NUP214: variants seen among roughly 807,000 people sequenced by gnomAD.
NUP214 encodes nuclear pore complex protein Nup214.
In NUP214, 79 loss-of-function variants were observed where a neutral mutation model predicts 196.2. The observed-to-expected ratio is 0.40, with a 90% CI of 0.34 to 0.49. The LOEUF is 0.49. Ranked by LOEUF, NUP214 falls within the 20% of genes least tolerant of loss-of-function variation. NUP214 has a pLI of 0.58. For missense variants in NUP214, 2,468 were observed against 2,539.0 expected, an observed-to-expected ratio of 0.97 and a Z score of 0.60; for synonymous variants, 1,020 against 990.5, an observed-to-expected ratio of 1.03 and a Z score of -0.56.
chr9:131,198,502 G>C lies in NUP214; in HGVS notation c.5008G>C (p.Ala1670Pro), dbSNP rs748287154. The change falls in exon 29 of 36, where the codon GCC (alanine) becomes CCC (proline). Residue 1670 changes from alanine to proline, a missense_variant. This residue lies in a region of NUP214 where 1,801 missense variants were observed against 1,779.4 expected (regional missense o/e 1.01). Coordinates refer to ENST00000359428, the MANE Select transcript of NUP214 (RefSeq NM_005085.4). ...LTNNTATAPS[A>P]TPVFGQVAAS... ...CAACAACACAGCCACTGCCCCCTCT[G>C]CCACGCCCGTGTTTGGGCAAGTGGC... The C allele has an allele frequency of 1.2e-6, 2 of 1,614,194 alleles. No homozygotes were observed. Among genetic ancestry groups the C allele is most frequent in the East Asian group, 2.2e-5 (1 of 44,888 alleles).
intron 22 of NUP214, among the ~76,000 whole-genome samples, chr9:131,174,640 G>C (rs1354325473): frequency 1.3e-5 from 2 of 151,682 alleles, no homozygotes; most frequent in African/African-American, 4.8e-5. Flanking sequence ...GTGGAGACGG[G>C]GTTTCACCAT....
rs748825977 is a variant in NUP214 at position 131,150,717 on chromosome 9, A to G, written c.2229A>G (p.Glu743=). 10 of 1,614,188 alleles carry G rather than the reference A, an allele frequency of 6.2e-6. No homozygotes were observed. The highest frequency in any genetic ancestry group is 4.4e-5 in the South Asian group (4 of 91,070). Residue 743 remains glutamate, a synonymous_variant, in exon 16 of 36, where the codon GAA becomes GAG. Coordinates refer to ENST00000359428, the MANE Select transcript of NUP214 (RefSeq NM_005085.4). ...AGGAGATGAAGATGCTGCGAACAGA[A>G]TCAGATGACTTGCATACCTTTCTTT... ...TSEEMKMLRT[E]SDDLHTFLLE...
rs1834908455 is a variant in NUP214 at position 131,232,514 on chromosome 9, C to T, written c.6239+206C>T. 1.6e-6 allele frequency: 1 copy of T among 632,750 alleles called. No individual in the cohort carries two copies. Among genetic ancestry groups the T allele is most frequent in the Admixed American group, 2.5e-5 (1 of 40,760 alleles). 39.2% of individuals were successfully genotyped at this position (632,750 alleles called of 1,614,324 possible). The stretch of plus-strand genomic sequence containing the variant: ...CAATATGGCAGGAGGTGCCAGGCCT[C>T]GCCTTCTTAAGAGGCGTGGTTCAAA... On this transcript the variant is annotated intron_variant, in intron 35 of 35. Coordinates refer to ENST00000359428, the MANE Select transcript of NUP214 (RefSeq NM_005085.4). The surrounding 1 kb of genome is among the most constrained non-coding windows in gnomAD (Gnocchi z 5.1).
In NUP214 at chr9:131,128,500, C is replaced by T. The variant is rs1349912834; in HGVS notation, c.393+17C>T. 1 of 1,595,680 alleles carries T rather than the reference C, an allele frequency of 6.3e-7. No homozygotes were observed. Among genetic ancestry groups the T allele is most frequent in the Admixed American group, 1.7e-5 (1 of 58,272 alleles). On this transcript the variant is annotated intron_variant, in intron 3 of 35. Coordinates refer to ENST00000359428, the MANE Select transcript of NUP214 (RefSeq NM_005085.4). ...TCAAATGAGGTAAGCTACTGTTATA[C>T]TGTGATGTCAACATGAGAACCCTAA... is the stretch of plus-strand genomic sequence containing the variant.
chr9:131,144,196 C>A, intron 11 of NUP214, 84 bp from the exon 12 acceptor site: 1 of 1,098,090 alleles, frequency 9.1e-7, no homozygotes, highest in Non-Finnish European at 1.3e-6. Flanking sequence ...TATTCTACCA[C>A]AAATTCTTTT....
chr9:131,143,181 A>AT (rs1029277461), intron 11 of NUP214, among the ~76,000 whole-genome samples: 102 of 151,450 alleles, frequency 6.7e-4, no homozygotes, highest in African/African-American at 2.3e-3. Flanking sequence ...TGATTTTTGT[A>AT]TTTTTTTTGT....
chr9:131,198,734 A>G lies in NUP214; in HGVS notation c.5240A>G (p.Gln1747Arg). 1.9e-6 allele frequency: 3 copies of G among 1,614,218 alleles called. No individual in the cohort carries two copies. The highest frequency in any genetic ancestry group is 1.1e-5 in the South Asian group (1 of 91,088). ...SSAASVFSFS[Q>R]PGFSSVPAFG... Reference sequence around the variant, plus strand: ...GCTGCAAGTGTCTTTTCCTTCAGTCAGCCTGGGTTCAGTTCCGTGCCTGCC... The same window carrying G: ...GCTGCAAGTGTCTTTTCCTTCAGTCGGCCTGGGTTCAGTTCCGTGCCTGCC... The change falls in exon 29 of 36, where the codon CAG becomes CGG. Residue 1747 changes from glutamine to arginine, a missense_variant. By Grantham distance (43) the Gln-to-Arg change is conservative. This residue lies in a region of NUP214 where 1,801 missense variants were observed against 1,779.4 expected (regional missense o/e 1.01). Coordinates refer to ENST00000359428, the MANE Select transcript of NUP214 (RefSeq NM_005085.4).
intron 30 of NUP214, among the ~76,000 whole-genome samples, chr9:131,203,097 C>CA (rs1833984248): frequency 6.6e-6 from 1 of 151,944 alleles, no homozygotes; most frequent in Non-Finnish European, 1.5e-5. Flanking sequence ...AGGTGCCCAC[C>CA]ACCGCACCCA....
intron 30 of NUP214, among the ~76,000 whole-genome samples, chr9:131,206,335 C>T (rs1282993049): frequency 5.3e-5 from 8 of 150,708 alleles, no homozygotes; most frequent in Admixed American, 1.3e-4. Context: ...TTTGTAGAGA[C>T]GGGGTTTCAC....
chr9:131,150,145 A>G (rs1832213427), intron 14 of NUP214, 179 bp from the exon 15 acceptor site: 1 of 578,832 alleles, frequency 1.7e-6, no homozygotes, highest in Non-Finnish European at 3.1e-6. Context: ...GTTCACCTCT[A>G]CCTGCACTGT....
Position 131,140,726 on chromosome 9 carries a change from T to A in NUP214, c.1294+16T>A, listed in dbSNP as rs1350301359. On this transcript the variant is annotated intron_variant, in intron 11 of 35. Coordinates refer to ENST00000359428, the MANE Select transcript of NUP214 (RefSeq NM_005085.4). ...AAGTCACCAGGTATGTGCCTCTGCC[T>A]GCTTTATCAGTAAGGGAATACCATG... is the stretch of plus-strand genomic sequence containing the variant. 14 of 1,607,920 alleles carry A rather than the reference T, an allele frequency of 8.7e-6. No homozygotes were observed. Among genetic ancestry groups the A allele is most frequent in the African/African-American group, 1.3e-5 (1 of 74,536 alleles).
chr9:131,132,015 A>T (rs1831560570), intron 5 of NUP214, among the ~76,000 whole-genome samples: 1 of 151,952 alleles, frequency 6.6e-6, no homozygotes, highest in Non-Finnish European at 1.5e-5. Context: ...GATTGTCTGC[A>T]TCAGTGCTAG....
intron 24 of NUP214, among the ~76,000 whole-genome samples, chr9:131,185,427 A>T (rs1833426385): frequency 6.6e-6 from 1 of 152,222 alleles, no homozygotes. Flanking sequence ...AGACTCACTC[A>T]GTAAAGAGAT....
chr9:131,215,159 A>G lies in NUP214; in HGVS notation c.5593-53A>G, dbSNP rs1834354304. 7 of 1,415,606 alleles carry G rather than the reference A, an allele frequency of 4.9e-6. No homozygotes were observed. In the East Asian group the frequency reaches 1.1e-4, roughly 22 times the overall value. The allele number at this position is 1,415,606 out of a possible 1,614,324, so 87.7% of individuals were successfully genotyped here. A position where few individuals can be genotyped will look rare whatever the true frequency, so the allele number is the denominator to read the frequency against. On this transcript the variant is annotated intron_variant, in intron 30 of 35. Transcript: ENST00000359428. The stretch of plus-strand genomic sequence containing the variant: ...CTCCTGCCCACGGATGCAGCCTGCC[A>G]TTTCACGATGACCTCTCATCCTATC...
At chr9:131,211,037 A>G (rs1834227850) in intron 30 of NUP214, among the ~76,000 whole-genome samples, 1 of 152,256 alleles carries the variant, frequency 6.6e-6, no homozygotes, top group East Asian at 1.9e-4. Flanking sequence ...GAATACTCTT[A>G]GCTAGTAAAT....
At chr9:131,166,378 A>C (rs138190971) in intron 21 of NUP214, among the ~76,000 whole-genome samples, 8 of 152,302 alleles carry the variant, frequency 5.3e-5, no homozygotes, top group African/African-American at 1.9e-4. Flanking sequence ...TATGTAATTT[A>C]CTTATTCATT....
intron 30 of NUP214, among the ~76,000 whole-genome samples, chr9:131,203,793 G>C (rs1041081825): frequency 6.6e-6 from 1 of 152,128 alleles, no homozygotes; most frequent in Non-Finnish European, 1.5e-5. Flanking sequence ...AGGAAAATGG[G>C]GACCTAGAGA....
chr9:131,169,114 C>T (rs1029885278), intron 21 of NUP214, among the ~76,000 whole-genome samples: 1 of 140,822 alleles, frequency 7.1e-6, no homozygotes, highest in Non-Finnish European at 1.5e-5. Context: ...CTCACTGCAA[C>T]CTCTGCCTCC....
At chr9:131,219,392 T>TCC (rs1834494990) in intron 31 of NUP214, among the ~76,000 whole-genome samples, 3 of 152,310 alleles carry the variant, frequency 2.0e-5, no homozygotes, top group South Asian at 2.1e-4. Flanking sequence ...ATTTGAGCAG[T>TCC]CCCCTTTGTG....
Sources: gnomAD v4.1 joint callset for allele counts (sites outside exome capture counted in the v4.1 genomes callset) on GRCh38, gnomAD v4.1.1 for gene constraint, gnomAD v4.1.1 regional missense constraint, Gnocchi (gnomAD v3.1) non-coding constraint, MANE v1.5 for transcripts, NCBI Gene and HGNC (gene_info 2026-07-23, HGNC 2026-07-21) for gene names.